The following ATP8A2 variants were observed in gnomAD, a reference collection of about 807,000 sequenced individuals.
ATP8A2 encodes the protein phospholipid-transporting ATPase IB.
ATP8A2 carries 100 observed loss-of-function variants against 165.6 expected under a neutral mutation model. The ratio of observed to expected loss-of-function variants is 0.60; its 90% CI spans 0.51 to 0.71. The LOEUF is 0.71. ATP8A2 is among the 30% of genes least tolerant of loss of function. The pLI is 0.00. For missense variants in ATP8A2, 1,227 were observed against 1,479.5 expected, an observed-to-expected ratio of 0.83 and a Z score of 2.80; for synonymous variants, 543 against 548.8, an observed-to-expected ratio of 0.99 and a Z score of 0.15.
intron 24 of ATP8A2, among the ~76,000 whole-genome samples, chr13:25,656,698 G>A (rs2041935455): frequency 6.8e-6 from 1 of 148,002 alleles, no homozygotes; most frequent in Non-Finnish European, 1.5e-5. Flanking sequence ...CTGAGATCGT[G>A]CCACTGCACT....
At chr13:25,986,387 T>G (rs1956281049) in intron 35 of ATP8A2, among the ~76,000 whole-genome samples, 1 of 152,004 alleles carries the variant, frequency 6.6e-6, no homozygotes, top group Non-Finnish European at 1.5e-5. Context: ...TGACCCCGGG[T>G]AACCACCCTT....
chr13:25,998,220 G>A (rs1186586799), intron 35 of ATP8A2, among the ~76,000 whole-genome samples: 2 of 152,190 alleles, frequency 1.3e-5, no homozygotes, highest in African/African-American at 4.8e-5. Context: ...ATTTCACTGG[G>A]TTGGGGATGG....
At chr13:25,593,395 T>G (rs1442212580) in intron 24 of ATP8A2, among the ~76,000 whole-genome samples, 2 of 152,146 alleles carry the variant, frequency 1.3e-5, no homozygotes, top group African/African-American at 4.8e-5. Context: ...TGTAAACAAT[T>G]AGGATTTATG....
intron 24 of ATP8A2, among the ~76,000 whole-genome samples, chr13:25,653,243 C>T (rs761034936): frequency 4.6e-5 from 7 of 152,256 alleles, no homozygotes; most frequent in South Asian, 2.1e-4. Flanking sequence ...AAAGGTGGTA[C>T]ATATACACCA....
At chr13:25,734,698 G>A (rs142321055) in intron 25 of ATP8A2, among the ~76,000 whole-genome samples, 1 of 152,250 alleles carries the variant, frequency 6.6e-6, no homozygotes, top group African/African-American at 2.4e-5. Context: ...GAGTGCAGTG[G>A]TGCAATCTCA....
At chr13:25,412,459 C>G (rs773959941) in intron 1 of ATP8A2, among the ~76,000 whole-genome samples, 19 of 152,188 alleles carry the variant, frequency 1.2e-4, no homozygotes, top group Non-Finnish European at 2.6e-4. Context: ...CATCTGTCTT[C>G]TATAGCCACA....
At chr13:25,490,222 A>C (rs1748583) in intron 2 of ATP8A2, among the ~76,000 whole-genome samples, 1 of 152,106 alleles carries the variant, frequency 6.6e-6, no homozygotes, top group African/African-American at 2.4e-5. Flanking sequence ...CTTAAAGAAG[A>C]GTTACGGGAG....
chr13:25,466,804 G>C (rs1330950363), intron 1 of ATP8A2, among the ~76,000 whole-genome samples: 1 of 152,190 alleles, frequency 6.6e-6, no homozygotes. Context: ...AGTGAACCCA[G>C]CCTGTCCCTA....
chr13:25,600,543 C>T (rs1485184717), intron 24 of ATP8A2, among the ~76,000 whole-genome samples: 1 of 152,160 alleles, frequency 6.6e-6, no homozygotes, highest in Non-Finnish European at 1.5e-5. Flanking sequence ...CCAGCGAGCC[C>T]TAGAGAGGCT....
At chr13:25,965,970 T>C (rs1335931726) in intron 34 of ATP8A2, among the ~76,000 whole-genome samples, 1 of 151,768 alleles carries the variant, frequency 6.6e-6, no homozygotes, top group Non-Finnish European at 1.5e-5. Flanking sequence ...TAGAATTATA[T>C]GTTTCCTTTT....
At chr13:25,607,313 T>G (rs942515150) in intron 24 of ATP8A2, among the ~76,000 whole-genome samples, 11 of 152,176 alleles carry the variant, frequency 7.2e-5, no homozygotes, top group African/African-American at 2.7e-4. Context: ...ACCACTTGTT[T>G]TTATAAATAA....
In ATP8A2 at chr13:25,862,413, G is replaced by A. The variant is rs772681446; in HGVS notation, c.3183+5G>A. ...GCTCCAGATATGAGAGGACAGGTAA[G>A]TACTCCTGATTGGGAGTGTGTCTTC... On this transcript the variant is annotated splice_donor_5th_base_variant and intron_variant, in intron 33 of 36. Coordinates refer to ENST00000381655, the MANE Select transcript of ATP8A2 (RefSeq NM_016529.6). 3 of 1,604,166 alleles carry A rather than the reference G, an allele frequency of 1.9e-6. No homozygotes were observed. The highest frequency in any genetic ancestry group is 2.7e-5 in the African/African-American group (2 of 74,698).
In ATP8A2 at chr13:25,372,584, T is replaced by C. The variant is rs372275312; in HGVS notation, c.76+296T>C. On this transcript the variant is annotated intron_variant, in intron 1 of 36. Coordinates refer to ENST00000381655, the MANE Select transcript of ATP8A2 (RefSeq NM_016529.6). The surrounding 1 kb of genome is among the most constrained non-coding windows in gnomAD (Gnocchi z 4.8). ...TGTGTGTGCGGCCTCCCTGTGCGCG[T>C]GCCCGTGCGCCCCTACGCGCGGATG... Among the ~76,000 whole-genome samples, 33 of 152,266 alleles carry C rather than the reference T, an allele frequency of 2.2e-4. No individual in the cohort carries two copies. In the East Asian group the frequency reaches 6.2e-3, roughly 29 times the overall value.
chr13:25,892,029 C>T (rs1022020978), intron 33 of ATP8A2, among the ~76,000 whole-genome samples: 6 of 151,040 alleles, frequency 4.0e-5, no homozygotes, highest in Non-Finnish European at 8.8e-5. Flanking sequence ...CTCTGTTGCC[C>T]AGGCTGGAGT....
intron 7 of ATP8A2, among the ~76,000 whole-genome samples, chr13:25,538,932 C>T (rs1189614137): frequency 6.6e-6 from 1 of 152,050 alleles, no homozygotes; most frequent in African/African-American, 2.4e-5. Context: ...GAACCAATAA[C>T]ACAGGGCAGG....
intron 1 of ATP8A2, among the ~76,000 whole-genome samples, chr13:25,407,283 T>C (rs1190044919): frequency 1.3e-5 from 2 of 152,242 alleles, no homozygotes. Context: ...TCATTTGGCT[T>C]CTTTCCCAGC....
intron 2 of ATP8A2, among the ~76,000 whole-genome samples, chr13:25,528,742 CTT>C: frequency 6.9e-6 from 1 of 145,838 alleles, no homozygotes; most frequent in African/African-American, 2.5e-5. Flanking sequence ...ACATATGCAA[CTT>C]GTGTATGCAT....
chr13:25,501,088 G>T (rs1389989827), intron 2 of ATP8A2, among the ~76,000 whole-genome samples: 1 of 152,150 alleles, frequency 6.6e-6, no homozygotes, highest in Admixed American at 6.5e-5. Context: ...TAGAAGTATG[G>T]TTGGGCAGAA....
At chr13:25,382,359 C>CT (rs1355152103) in intron 1 of ATP8A2, among the ~76,000 whole-genome samples, 3 of 152,174 alleles carry the variant, frequency 2.0e-5, no homozygotes, top group Non-Finnish European at 4.4e-5. Flanking sequence ...GGTGCTTTCA[C>CT]TTTTTTGAAA....
Sources: allele counts gnomAD v4.1 joint callset (sites outside exome capture counted in the v4.1 genomes callset), GRCh38; gene constraint gnomAD v4.1.1; non-coding constraint Gnocchi (gnomAD v3.1); transcripts MANE v1.5; gene names NCBI Gene and HGNC (gene_info 2026-07-23, HGNC 2026-07-21).